TBC1D22A: variants seen among roughly 807,000 people sequenced by gnomAD.
The protein encoded by TBC1D22A is putative GTPase activator.
A neutral mutation model predicts 60.2 loss-of-function variants in TBC1D22A; 38 were observed. That is an observed-to-expected ratio of 0.63 (90% CI 0.49 to 0.83). The LOEUF (loss-of-function observed/expected upper bound fraction) is 0.83, where lower values mean the gene tolerates loss of function less well. Ranked by LOEUF, TBC1D22A falls within the 40% of genes least tolerant of loss-of-function variation. The pLI, the probability that TBC1D22A is intolerant of heterozygous loss-of-function variation, is 0.00. For synonymous variants in TBC1D22A, 302 were observed against 281.7 expected (o/e 1.07, Z -0.72); for missense variants, 628 against 701.0 (o/e 0.90, Z 1.18).
intron 4 of TBC1D22A, among the ~76,000 whole-genome samples, chr22:46,803,586 A>G (rs1356571424): frequency 6.6e-6 from 1 of 152,200 alleles, no homozygotes; most frequent in Admixed American, 6.5e-5. Context: ...ACAGCAGGGC[A>G]CGTTGGCCTT....
At chr22:47,017,354 C>A (rs754837151) in intron 10 of TBC1D22A, among the ~76,000 whole-genome samples, 3 of 152,188 alleles carry the variant, frequency 2.0e-5, no homozygotes, top group Admixed American at 2.0e-4. Context: ...CCCAAGGCTG[C>A]GGTCTCCGGG....
intron 10 of TBC1D22A, among the ~76,000 whole-genome samples, chr22:47,011,987 AC>A (rs1294341307): frequency 6.7e-6 from 1 of 150,346 alleles, no homozygotes; most frequent in Non-Finnish European, 1.5e-5. Flanking sequence ...ATCCTTTCCC[AC>A]CCCGCTCTGC....
At chr22:46,938,787 T>C (rs761729227) in intron 8 of TBC1D22A, among the ~76,000 whole-genome samples, 3 of 152,024 alleles carry the variant, frequency 2.0e-5, no homozygotes, top group Admixed American at 6.6e-5. Flanking sequence ...GGTTTCACCA[T>C]GTTGGCCAGG....
chr22:47,135,450 A>C (rs1412030420), intron 12 of TBC1D22A, among the ~76,000 whole-genome samples: 1 of 152,214 alleles, frequency 6.6e-6, no homozygotes, highest in East Asian at 1.9e-4. Context: ...CCTGGGGTTC[A>C]TGCGAGAAGG....
chr22:46,887,576 T>C (rs1462683509), intron 5 of TBC1D22A, among the ~76,000 whole-genome samples: 1 of 152,112 alleles, frequency 6.6e-6, no homozygotes, highest in Non-Finnish European at 1.5e-5. Context: ...TATGCGACAG[T>C]GGAGGAAGGA....
chr22:46,988,347 A>G (rs940095646), intron 9 of TBC1D22A, among the ~76,000 whole-genome samples: 1 of 152,220 alleles, frequency 6.6e-6, no homozygotes, highest in East Asian at 1.9e-4. Context: ...TCTTAATGGC[A>G]TCTAGAAAAG....
intron 1 of TBC1D22A, chr22:46,768,254 G>A (rs977323720): frequency 3.9e-5 from 6 of 152,390 alleles, no homozygotes; most frequent in African/African-American, 1.4e-4. Context: ...GGAGGCTGAG[G>A]TGGGTGGATC....
intron 4 of TBC1D22A, among the ~76,000 whole-genome samples, chr22:46,870,858 C>T (rs896209791): frequency 6.6e-6 from 1 of 152,172 alleles, no homozygotes; most frequent in Non-Finnish European, 1.5e-5. Context: ...GGGTGGATTA[C>T]TCATGACCTA....
At chr22:46,956,140 G>C (rs1230873738) in intron 8 of TBC1D22A, among the ~76,000 whole-genome samples, 1 of 152,134 alleles carries the variant, frequency 6.6e-6, no homozygotes, top group Admixed American at 6.5e-5. Context: ...ATGTTAGGGG[G>C]CTGAATTGCT....
At chr22:46,920,103 C>G (rs2070662530) in intron 8 of TBC1D22A, among the ~76,000 whole-genome samples, 7 of 118,936 alleles carry the variant, frequency 5.9e-5, no homozygotes, top group Admixed American at 5.8e-4. Flanking sequence ...AGGAGAGAGA[C>G]AGAGTGTTGC....
At chr22:46,787,593 G>T (rs976600340) in intron 1 of TBC1D22A, among the ~76,000 whole-genome samples, 2 of 152,166 alleles carry the variant, frequency 1.3e-5, no homozygotes, top group African/African-American at 4.8e-5. Context: ...AATCTTGAGG[G>T]AACATCTAGT....
chr22:47,018,738 G>A (rs981149420), intron 10 of TBC1D22A, among the ~76,000 whole-genome samples: 1 of 152,134 alleles, frequency 6.6e-6, no homozygotes, highest in Non-Finnish European at 1.5e-5. Context: ...GGTCGTCATC[G>A]CCATGAGGAG....
intron 9 of TBC1D22A, among the ~76,000 whole-genome samples, chr22:46,980,951 A>G (rs1331473895): frequency 1.3e-5 from 2 of 152,258 alleles, no homozygotes; most frequent in East Asian, 3.8e-4. Context: ...ATGAGATTAG[A>G]TTTAAAAACA....
intron 1 of TBC1D22A, among the ~76,000 whole-genome samples, chr22:46,765,641 A>G (rs1457770681): frequency 2.0e-5 from 3 of 151,144 alleles, no homozygotes; most frequent in East Asian, 3.9e-4. Context: ...GTTTTTTTGT[A>G]TTTTTAGTAG....
At chr22:47,057,129 G>C (rs16996258) in intron 11 of TBC1D22A, among the ~76,000 whole-genome samples, 6,428 of 152,316 alleles carry the variant, frequency 0.042, 418 homozygotes, top group African/African-American at 0.14. Flanking sequence ...GGATTCCGAG[G>C]CTGTTTTGAT....
intron 4 of TBC1D22A, among the ~76,000 whole-genome samples, chr22:46,877,222 G>A (rs550136089): frequency 2.6e-4 from 39 of 152,210 alleles, no homozygotes; most frequent in Non-Finnish European, 4.7e-4. Context: ...AGTAACACAA[G>A]CTTGTTTTGA....
At chr22:46,982,202 C>T (rs2074539247) in intron 9 of TBC1D22A, among the ~76,000 whole-genome samples, 1 of 151,866 alleles carries the variant, frequency 6.6e-6, no homozygotes, top group Non-Finnish European at 1.5e-5. Context: ...TGATGCCCTT[C>T]CTGCTAAGTG....
At chr22:47,034,384 T>A (rs2148387563) in intron 10 of TBC1D22A, among the ~76,000 whole-genome samples, 1 of 152,334 alleles carries the variant, frequency 6.6e-6, no homozygotes, top group East Asian at 1.9e-4. Flanking sequence ...CGTCAGCATC[T>A]TCTCTAGAGT....
intron 1 of TBC1D22A, chr22:46,774,261 C>A (rs1441678766): frequency 1.0e-6 from 1 of 985,438 alleles, no homozygotes; most frequent in African/African-American, 1.7e-5. Context: ...TAGGTCCCCC[C>A]TGGTGTTCTC....
Sources: allele counts gnomAD v4.1 joint callset (sites outside exome capture counted in the v4.1 genomes callset), GRCh38; gene constraint gnomAD v4.1.1; transcripts MANE v1.5; gene names NCBI Gene and HGNC (gene_info 2026-07-23, HGNC 2026-07-21).